TRNT1: variants seen among roughly 807,000 people sequenced by gnomAD.
TRNT1 encodes the protein CCA tRNA nucleotidyltransferase 1, mitochondrial.
TRNT1 carries 44 observed loss-of-function variants against 45.6 expected under a neutral mutation model. The ratio of observed to expected loss-of-function variants is 0.97; its 90% confidence interval spans 0.76 to 1.24. The LOEUF is 1.24. Among genes scored for constraint, TRNT1 ranks in the 50% most tolerant of loss-of-function variants. The pLI, the probability that TRNT1 is intolerant of heterozygous loss-of-function variation, is 0.00. For synonymous variants in TRNT1, 201 were observed against 171.4 expected (o/e 1.17, Z -1.35); for missense variants, 633 against 504.4 (o/e 1.25, Z -2.44).
Position 3,137,477 on chromosome 3 carries a change from A to C in TRNT1, c.342+24A>C, listed in dbSNP as rs772407189. The C allele has an allele frequency of 4.5e-6, 7 of 1,548,134 alleles. No homozygotes were observed. In the African/African-American group the frequency reaches 8.4e-5, roughly 19 times the overall value. On this transcript the variant is annotated intron_variant, in intron 3 of 7. Transcript: ENST00000251607. ...GGGTGAGTCAAAAGTTTGACAGGTA[A>C]TTACATTGCTTTTTTGGTAATTTTT... is the stretch of plus-strand genomic sequence containing the variant.
At chr3:3,143,611 C>T (rs1705798909) in intron 4 of TRNT1, among the ~76,000 whole-genome samples, 1 of 152,310 alleles carries the variant, frequency 6.6e-6, no homozygotes, top group African/African-American at 2.4e-5. Flanking sequence ...GGCATGGTGG[C>T]TTATGCCTGT....
intron 2 of TRNT1, among the ~76,000 whole-genome samples, chr3:3,131,042 C>G (rs1038033339): frequency 2.0e-5 from 3 of 151,306 alleles, no homozygotes; most frequent in South Asian, 4.2e-4. Context: ...GATTGTGCCA[C>G]TACACTCCAG....
intron 4 of TRNT1, among the ~76,000 whole-genome samples, chr3:3,141,389 A>T (rs139820433): frequency 0.011 from 1,662 of 152,226 alleles, 29 homozygotes; most frequent in Middle Eastern, 0.027. Flanking sequence ...ACTATCTTTC[A>T]TGCATGTTTA....
rs777993099 is a variant in TRNT1 at position 3,137,453 on chromosome 3, G to T, written c.342G>T (p.Arg114Ser). ...RGEKHGTITARLHEENFEITT... is the reference protein window; with the variant it reads ...RGEKHGTITASLHEENFEITT... ...AAAAGCACGGAACAATTACTGCCAG[G>T]GTGAGTCAAAAGTTTGACAGGTAAT... The change falls in exon 3 of 8, where the codon AGG (arginine) becomes AGT (serine). Residue 114 changes from arginine to serine, a missense_variant and splice_region_variant. Transcript: ENST00000251607. 1.3e-6 allele frequency: 2 copies of T among 1,593,046 alleles called. No homozygotes were observed.
intron 3 of TRNT1, 122 bp downstream of exon 3, chr3:3,137,575 G>A (rs947406023): frequency 1.4e-5 from 11 of 771,844 alleles, no homozygotes; most frequent in South Asian, 2.1e-5. Flanking sequence ...TTCTATGCCC[G>A]TCATAAACCC....
At chr3:3,136,412 G>C (rs933881243) in intron 2 of TRNT1, among the ~76,000 whole-genome samples, 1 of 152,100 alleles carries the variant, frequency 6.6e-6, no homozygotes, top group Admixed American at 6.5e-5. Context: ...TGTTCAAATG[G>C]TTCTACCTAG....
chr3:3,144,622 G>A lies in TRNT1; in HGVS notation c.520G>A (p.Glu174Lys). ...GTLFDYFNGY[E>K]DLKNKKVRFV... is the part of the protein sequence containing the mutation. ...TTTATTTGACTACTTTAATGGTTAT[G>A]AAGATTTAAAAAATAAGAAAGTTAG... The change falls in exon 5 of 8, where the codon GAA (glutamate) becomes AAA (lysine). Residue 174 changes from glutamate to lysine, a missense_variant. By Grantham distance (56) the Glu-to-Lys change is moderately conservative. Coordinates refer to ENST00000251607, the MANE Select transcript of TRNT1 (RefSeq NM_182916.3). 6.3e-7 allele frequency: 1 copy of A among 1,586,680 alleles called. No homozygotes were observed. Among genetic ancestry groups the A allele is most frequent in the Non-Finnish European group, 8.6e-7 (1 of 1,160,280 alleles).
chr3:3,149,161 G>C (rs1434129022), downstream of TRNT1: 3 of 152,106 alleles, frequency 2.0e-5, no homozygotes, highest in Non-Finnish European at 4.4e-5. Context: ...CAATTTTGTA[G>C]AGTGTAATAT....
chr3:3,147,805 T>G (rs1706151719), intron 7 of TRNT1, 101 bp from the exon 8 acceptor site: 2 of 1,519,326 alleles, frequency 1.3e-6, no homozygotes, highest in African/African-American at 2.8e-5. Context: ...TTTACTTATT[T>G]TAAATGAAAA....
intron 3 of TRNT1, among the ~76,000 whole-genome samples, chr3:3,139,407 A>G (rs1260782167): frequency 6.6e-6 from 1 of 152,162 alleles, no homozygotes. Flanking sequence ...CCTACAACAG[A>G]CTTCTGGTGA....
chr3:3,133,446 C>T (rs1705136545), intron 2 of TRNT1, among the ~76,000 whole-genome samples: 2 of 151,982 alleles, frequency 1.3e-5, no homozygotes, highest in South Asian at 4.2e-4. Flanking sequence ...GTAGTCCCAG[C>T]TACTCAGGAG....
At position 3,147,590 on chromosome 3, in the gene TRNT1, A is replaced by G; in HGVS notation, c.943A>G (p.Ile315Val). The G allele has an allele frequency of 6.2e-7, 1 of 1,614,010 alleles. No individual in the cohort carries two copies. Among genetic ancestry groups the G allele is most frequent in the Non-Finnish European group, 8.5e-7 (1 of 1,179,900 alleles). ...DVTKLDLRLKIAKEEKNLGLF... is the reference protein window; with the variant it reads ...DVTKLDLRLKVAKEEKNLGLF... ...CACAAAATTGGATTTGAGGTTGAAGATCGCAAAAGAGGAGAAAAACCTTGG... is the reference window on the plus strand; with the variant it reads ...CACAAAATTGGATTTGAGGTTGAAGGTCGCAAAAGAGGAGAAAAACCTTGG... Residue 315 changes from isoleucine (I) to valine (V), a missense_variant, in exon 7 of 8, where the codon ATC (isoleucine) becomes GTC (valine). By Grantham distance (29) the Ile-to-Val change is conservative. Transcript: ENST00000251607.
downstream of TRNT1, chr3:3,152,537 A>C (rs1360903078): frequency 6.2e-7 from 1 of 1,614,134 alleles, no homozygotes. Context: ...TGTCTCATGC[A>C]CATATCCATG....
chr3:3,129,838 A>T (rs1402039584), intron 2 of TRNT1: 3 of 1,546,046 alleles, frequency 1.9e-6, no homozygotes, highest in African/African-American at 1.4e-5. Context: ...TGTAACTACT[A>T]ACTAGAGAGC....
chr3:3,152,568 T>A, downstream of TRNT1: 2 of 1,614,092 alleles, frequency 1.2e-6, no homozygotes, highest in Non-Finnish European at 1.7e-6. Flanking sequence ...TAAGCTGCCA[T>A]CGGCCCACAT....
intron 3 of TRNT1, 68 bp downstream of exon 3, chr3:3,137,521 A>G (rs1705401774): frequency 1.5e-6 from 2 of 1,357,598 alleles, no homozygotes; most frequent in Non-Finnish European, 2.0e-6. Flanking sequence ...AATTTTCTCT[A>G]GTTAAAAGCA....
At chr3:3,128,195 G>C (rs951853532) in intron 1 of TRNT1, among the ~76,000 whole-genome samples, 5 of 152,152 alleles carry the variant, frequency 3.3e-5, no homozygotes, top group Non-Finnish European at 7.4e-5. Flanking sequence ...CTAAATCATG[G>C]AGGTTTGGGG....
chr3:3,152,632 C>T (rs1706656050), downstream of TRNT1: 1 of 1,611,350 alleles, frequency 6.2e-7, no homozygotes, highest in Non-Finnish European at 8.5e-7. Flanking sequence ...AACGAGAAGT[C>T]TAATTTTATT....
At chr3:3,127,857 C>G (rs1559210877) in intron 1 of TRNT1, 1 of 152,170 alleles carries the variant, frequency 6.6e-6, no homozygotes, top group African/African-American at 2.4e-5. Context: ...GACCAAACCA[C>G]CAAACCGAGG....
Sources: gnomAD v4.1 joint callset for allele counts (sites outside exome capture counted in the v4.1 genomes callset) on GRCh38, gnomAD v4.1.1 for gene constraint, MANE v1.5 for transcripts, NCBI Gene and HGNC (gene_info 2026-07-23, HGNC 2026-07-21) for gene names.